RNF38: variants seen among roughly 807,000 people sequenced by gnomAD.
The protein encoded by RNF38 is ring finger protein 38, also known as E3 ubiquitin-protein ligase RNF38.
Under a neutral mutation model 67.2 loss-of-function variants are expected in RNF38, and 15 were observed. The observed-to-expected ratio is 0.22, with a 90% CI of 0.15 to 0.34. The LOEUF (loss-of-function observed/expected upper bound fraction) is 0.34, where lower values mean the gene tolerates loss of function less well. Ranked by LOEUF, RNF38 falls within the 10% of genes least tolerant of loss-of-function variation. RNF38 has a pLI of 1.00. For missense variants in RNF38, 524 were observed against 639.9 expected (o/e 0.82, Z 1.95); for synonymous variants, 220 against 218.8 (o/e 1.01, Z -0.05).
At chr9:36,359,519 G>T (rs899527069) in intron 4 of RNF38, among the ~76,000 whole-genome samples, 3 of 151,894 alleles carry the variant, frequency 2.0e-5, no homozygotes, top group African/African-American at 7.3e-5. Flanking sequence ...CATTAAGTAC[G>T]CACACATTCC....
chr9:36,411,570 T>TC (rs1392400468), intron 2 of RNF38, among the ~76,000 whole-genome samples: 1 of 152,162 alleles, frequency 6.6e-6, no homozygotes, highest in African/African-American at 2.4e-5. Context: ...CAATGACATT[T>TC]TTTTTCCTTG....
chr9:36,400,370 T>A, upstream of RNF38: 5 of 1,187,566 alleles, frequency 4.2e-6, no homozygotes, highest in Non-Finnish European at 5.2e-6. Context: ...CGAGGCCATC[T>A]GCCGGGCAGC....
intron 1 of RNF38, among the ~76,000 whole-genome samples, chr9:36,455,276 G>A (rs1839560351): frequency 6.6e-6 from 1 of 151,682 alleles, no homozygotes; most frequent in Non-Finnish European, 1.5e-5. Flanking sequence ...TGGCTAGGCT[G>A]GTCTCAAACT....
chr9:36,349,214 G>GGTTT (rs2133441324), intron 9 of RNF38, among the ~76,000 whole-genome samples: 1 of 152,306 alleles, frequency 6.6e-6, no homozygotes, highest in East Asian at 1.9e-4. Context: ...AGATGAATCT[G>GGTTT]GTTTTCCTGC....
chr9:36,376,926 CAAAA>C (rs34112141), intron 2 of RNF38, among the ~76,000 whole-genome samples: 22 of 102,150 alleles, frequency 2.2e-4, no homozygotes, highest in African/African-American at 5.6e-4. Context: ...GACTCTGTCT[CAAAA>C]AAAAAAAAAA....
chr9:36,381,873 T>A (rs1223750012), intron 2 of RNF38, among the ~76,000 whole-genome samples: 6 of 152,244 alleles, frequency 3.9e-5, no homozygotes, highest in African/African-American at 1.2e-4. Flanking sequence ...GTCACTCATA[T>A]TGTCTCAGAA....
At chr9:36,380,582 T>C (rs1285355245) in intron 2 of RNF38, among the ~76,000 whole-genome samples, 1 of 151,938 alleles carries the variant, frequency 6.6e-6, no homozygotes, top group Non-Finnish European at 1.5e-5. Flanking sequence ...AACCTCCACA[T>C]CCCGGGCTAA....
chr9:36,438,197 C>T (rs1228948955), intron 1 of RNF38, among the ~76,000 whole-genome samples: 3 of 152,090 alleles, frequency 2.0e-5, no homozygotes, highest in Non-Finnish European at 4.4e-5. Flanking sequence ...CTCAGTTTCC[C>T]GAAGTGCTGG....
At chr9:36,346,486 C>T (rs943064507) in intron 9 of RNF38, among the ~76,000 whole-genome samples, 1 of 152,114 alleles carries the variant, frequency 6.6e-6, no homozygotes, top group Non-Finnish European at 1.5e-5. Context: ...CCACTATGCC[C>T]AGCCAATTAT....
chr9:36,428,047 C>A (rs1838822427), intron 1 of RNF38, among the ~76,000 whole-genome samples: 1 of 151,660 alleles, frequency 6.6e-6, no homozygotes, highest in Non-Finnish European at 1.5e-5. Context: ...AAATAAATTT[C>A]TGTTGTTTAT....
intron 5 of RNF38, among the ~76,000 whole-genome samples, chr9:36,356,906 T>C (rs1288254113): frequency 1.3e-5 from 2 of 152,302 alleles, no homozygotes; most frequent in South Asian, 2.1e-4. Context: ...TCTCAACTAA[T>C]TGCCTTATAA....
At chr9:36,441,251 A>G (rs1225687204) in intron 1 of RNF38, among the ~76,000 whole-genome samples, 1 of 152,134 alleles carries the variant, frequency 6.6e-6, no homozygotes, top group Non-Finnish European at 1.5e-5. Flanking sequence ...CTCTCCAAGA[A>G]TGTCAGCTAA....
intron 1 of RNF38, among the ~76,000 whole-genome samples, chr9:36,471,767 T>A (rs1840003781): frequency 1.3e-5 from 2 of 152,244 alleles, no homozygotes; most frequent in African/African-American, 4.8e-5. Context: ...AAATTTACTT[T>A]ACTTCTTTTT....
chr9:36,342,993 G>T (rs1055596043), intron 10 of RNF38, among the ~76,000 whole-genome samples: 8 of 152,032 alleles, frequency 5.3e-5, no homozygotes, highest in African/African-American at 1.7e-4. Flanking sequence ...TATATACAAT[G>T]GTATAGTATT....
At chr9:36,458,796 T>A (rs10511929) in intron 1 of RNF38, among the ~76,000 whole-genome samples, 3 of 152,306 alleles carry the variant, frequency 2.0e-5, no homozygotes, top group South Asian at 2.1e-4. Context: ...CACAGTAATA[T>A]TGAGAAACCA....
chr9:36,462,989 T>C (rs1191641618), intron 1 of RNF38, among the ~76,000 whole-genome samples: 2 of 152,034 alleles, frequency 1.3e-5, no homozygotes, highest in Non-Finnish European at 1.5e-5. Context: ...ACTTTTTTTT[T>C]TTTTAAGTGA....
chr9:36,362,230 C>T (rs1834598416), intron 4 of RNF38, among the ~76,000 whole-genome samples: 1 of 151,662 alleles, frequency 6.6e-6, no homozygotes, highest in South Asian at 2.1e-4. Flanking sequence ...TGGTGGTGGG[C>T]ACCTATAATC....
In RNF38 at chr9:36,358,009, A is replaced by G; in HGVS notation, c.571-67T>C. ...ATAAAATGTTAACTATTCAAAATCA[A>G]CATTTGGTCATTTATTGGCTCCTCT... On this transcript the variant is annotated intron_variant, in intron 4 of 11. Coordinates refer to ENST00000259605, the MANE Select transcript of RNF38 (RefSeq NM_022781.5). The G allele has an allele frequency of 3.7e-6, 5 of 1,353,896 alleles. No homozygotes were observed. The South Asian group carries it at 3.7e-5, about 10-fold the overall frequency. The allele number at this position is 1,353,896 out of a possible 1,614,324, so 83.9% of individuals were successfully genotyped here. A position where few individuals can be genotyped will look rare whatever the true frequency, so the allele number is the denominator to read the frequency against.
intron 1 of RNF38, among the ~76,000 whole-genome samples, chr9:36,466,182 T>C (rs1839858840): frequency 1.3e-5 from 2 of 152,200 alleles, no homozygotes; most frequent in Admixed American, 6.5e-5. Flanking sequence ...ATTCCATTTA[T>C]ATAAAAGGTC....
Sources: gnomAD v4.1 joint callset for allele counts (sites outside exome capture counted in the v4.1 genomes callset) on GRCh38, gnomAD v4.1.1 for gene constraint, MANE v1.5 for transcripts, NCBI Gene and HGNC (gene_info 2026-07-23, HGNC 2026-07-21) for gene names.